The following HID1 variants were observed in gnomAD, a reference collection of about 807,000 sequenced individuals.
HID1 encodes the protein protein HID1.
A neutral mutation model predicts 89.7 loss-of-function variants in HID1; 42 were observed. That is an observed-to-expected ratio of 0.47 (90% CI 0.37 to 0.61). HID1 has a LOEUF of 0.61. Ranked by LOEUF, HID1 falls within the 20% of genes least tolerant of loss-of-function variation. HID1 has a pLI of 0.00. For missense variants in HID1, 854 were observed against 1,039.3 expected (o/e 0.82, Z 2.45); for synonymous variants, 442 against 433.8 (o/e 1.02, Z -0.24).
At chr17:74,969,672 G>C (rs151158895) in intron 1 of HID1, among the ~76,000 whole-genome samples, 5 of 152,156 alleles carry the variant, frequency 3.3e-5, no homozygotes, top group African/African-American at 1.2e-4. Flanking sequence ...CACAATCATA[G>C]CTCACCGTAA....
chr17:74,964,530 C>A lies in HID1; in HGVS notation c.169G>T (p.Ala57Ser). 6.2e-7 allele frequency: 1 copy of A among 1,610,086 alleles called. No homozygotes were observed. The highest frequency in any genetic ancestry group is 8.5e-7 in the Non-Finnish European group (1 of 1,178,498). Residue 57 changes from alanine (A) to serine (S), a missense_variant, in exon 2 of 19, where the codon GCC becomes TCC. By Grantham distance (99) the Ala-to-Ser change is moderately conservative. Transcript: ENST00000425042. Reference sequence around the variant, plus strand: ...TTGGAGGGTGACTCTTCCCGCACGGCCCGGATCTCTGCTGCCGGCACCAGT... The same window carrying A: ...TTGGAGGGTGACTCTTCCCGCACGGACCGGATCTCTGCTGCCGGCACCAGT... ...FALVPAAEIR[A>S]VREESPSNLA...
intron 1 of HID1, among the ~76,000 whole-genome samples, chr17:74,969,345 C>G (rs755000850): frequency 2.4e-4 from 36 of 152,210 alleles, no homozygotes; most frequent in Non-Finnish European, 4.4e-4. Flanking sequence ...GCCACGACGC[C>G]CGGCTAATTT....
rs1296960395 is a variant in HID1, at chr17:74,972,582, G to A, written c.66+9C>T. 6.5e-7 allele frequency: 1 copy of A among 1,545,868 alleles called. No individual in the cohort carries two copies. The highest frequency in any genetic ancestry group is 1.2e-5 in the South Asian group (1 of 83,406). On this transcript the variant is annotated intron_variant, in intron 1 of 18. Coordinates refer to ENST00000425042, the MANE Select transcript of HID1 (RefSeq NM_030630.3). This position sits in a 1 kb window ranked among gnomAD's most constrained non-coding sequence, Gnocchi z 6.4. ...GGTGGATGGGGACGCCGGGGCCCCC[G>A]TGGCGCACCTGCGTCTTGGTGGTGA... is the stretch of plus-strand genomic sequence containing the variant.
chr17:74,963,087 G>T lies in HID1; in HGVS notation c.388-6C>A, dbSNP rs1358940375. 6.9e-6 allele frequency: 11 copies of T among 1,587,614 alleles called. No homozygotes were observed. The highest frequency in any genetic ancestry group is 1.7e-5 in the Admixed American group (1 of 57,432). Reference sequence around the variant, plus strand: ...TCATCATCCTCTTCTCCCTGCTGGGGACACAGCACCCACAGGCTGCCTCAG... The same window carrying T: ...TCATCATCCTCTTCTCCCTGCTGGGTACACAGCACCCACAGGCTGCCTCAG... On this transcript the variant is annotated splice_region_variant and splice_polypyrimidine_tract_variant and intron_variant, in intron 3 of 18. Coordinates refer to ENST00000425042, the MANE Select transcript of HID1 (RefSeq NM_030630.3).
chr17:74,968,541 C>T (rs1341347985), intron 1 of HID1, among the ~76,000 whole-genome samples: 2 of 152,214 alleles, frequency 1.3e-5, no homozygotes, highest in Admixed American at 6.5e-5. Flanking sequence ...ACTGGTAGAG[C>T]GAGTTCTTCA....
Position 74,952,349 on chromosome 17 carries a change from C to A in HID1, c.2064G>T (p.Trp688Cys). 6.2e-7 allele frequency: 1 copy of A among 1,613,758 alleles called. No homozygotes were observed. Among genetic ancestry groups the A allele is most frequent in the Non-Finnish European group, 8.5e-7 (1 of 1,179,892 alleles). The change falls in exon 17 of 19, where the codon TGG becomes TGT. Residue 688 changes from tryptophan to cysteine, a missense_variant. By Grantham distance (215) the Trp-to-Cys change is radical. Coordinates refer to ENST00000425042, the MANE Select transcript of HID1 (RefSeq NM_030630.3). ...WSPTPEWVLS[W>C]KSKLPLQTIM... ...TGGTCTGCAGCGGCAGCTTCGACTTCCAGGAGAGGACCTGGCGAGGGACGG... is the reference window on the plus strand; with the variant it reads ...TGGTCTGCAGCGGCAGCTTCGACTTACAGGAGAGGACCTGGCGAGGGACGG...
At chr17:74,955,432 C>T (rs1245892752) in intron 13 of HID1, among the ~76,000 whole-genome samples, 1 of 151,842 alleles carries the variant, frequency 6.6e-6, no homozygotes, top group South Asian at 2.1e-4. Context: ...ACCTGGGAGA[C>T]GGAGGTTGCA....
intron 12 of HID1, chr17:74,957,851 G>A (rs550954171): frequency 1.1e-4 from 43 of 395,206 alleles, no homozygotes; most frequent in African/African-American, 8.4e-4. Flanking sequence ...AGTGAGCTGA[G>A]ATGGTGCCAC....
chr17:74,968,790 A>G (rs2039600343), intron 1 of HID1, among the ~76,000 whole-genome samples: 1 of 152,184 alleles, frequency 6.6e-6, no homozygotes, highest in Non-Finnish European at 1.5e-5. Context: ...CCAGGTAGCT[A>G]CTACCCCCTT....
intron 1 of HID1, among the ~76,000 whole-genome samples, chr17:74,971,984 T>C (rs1198707962): frequency 6.6e-6 from 1 of 152,078 alleles, no homozygotes; most frequent in Non-Finnish European, 1.5e-5. Context: ...CTGTGCTCAG[T>C]AGGCCTGGGG....
intron 1 of HID1, among the ~76,000 whole-genome samples, chr17:74,971,664 TG>T (rs1395090000): frequency 6.6e-6 from 1 of 151,812 alleles, no homozygotes; most frequent in Admixed American, 6.6e-5. Flanking sequence ...ATGGGGGACA[TG>T]GGGAGTCAGG....
chr17:74,952,227 G>A (rs778495093), intron 17 of HID1, 42 bp downstream of exon 17: 24 of 1,153,176 alleles, frequency 2.1e-5, no homozygotes, highest in East Asian at 5.2e-5. Flanking sequence ...CCACAACCCC[G>A]GCCCCGCCCA....
In HID1 at chr17:74,965,917, C is replaced by CAA. The variant is rs55706307; in HGVS notation, c.67-1287_67-1286dup. Among the ~76,000 whole-genome samples the CAA allele has an allele frequency of 9.1e-4, 127 of 139,218 alleles. 1 individual carries two copies. Among genetic ancestry groups the CAA allele is most frequent in the African/African-American group, 3.0e-3 (118 of 38,794 alleles). 91.3% of individuals were successfully genotyped at this position (139,218 alleles called of 152,430 possible). A position where few individuals can be genotyped will look rare whatever the true frequency, so the allele number is the denominator to read the frequency against. On this transcript the variant is annotated intron_variant, in intron 1 of 18. Transcript: ENST00000425042. ...GGGCAACAAGAGCAAAACCCCATCTCAAAAAAAAAAAAGTACACAAGATAT... is the reference window on the plus strand; with the variant it reads ...GGGCAACAAGAGCAAAACCCCATCTCAAAAAAAAAAAAAAGTACACAAGATAT...
chr17:74,955,789 C>T lies in HID1; in HGVS notation c.1636+3G>A. 1.9e-6 allele frequency: 3 copies of T among 1,613,856 alleles called. No homozygotes were observed. The highest frequency in any genetic ancestry group is 3.3e-5 in the Admixed American group (2 of 59,996). On this transcript the variant is annotated splice_donor_region_variant and intron_variant, in intron 13 of 18. Transcript: ENST00000425042. ...CCACCAGGGCCTCAGGCTGGTGCCT[C>T]ACCATCAAACTGGTACTGGATGATG...
intron 13 of HID1, 46 bp downstream of exon 13, chr17:74,955,746 G>A (rs1177366569): frequency 6.3e-7 from 1 of 1,587,804 alleles, no homozygotes; most frequent in Admixed American, 1.7e-5. Context: ...TAGGAAGTAG[G>A]CCCGCTGGCC....
rs373415553 is a variant in HID1, at chr17:74,958,491, G to T, written c.1241-13C>A. 12 of 1,584,184 alleles carry T rather than the reference G, an allele frequency of 7.6e-6. No individual in the cohort carries two copies. Among genetic ancestry groups the T allele is most frequent in the African/African-American group, 5.4e-5 (4 of 74,330 alleles). On this transcript the variant is annotated splice_polypyrimidine_tract_variant and intron_variant, in intron 10 of 18. Coordinates refer to ENST00000425042, the MANE Select transcript of HID1 (RefSeq NM_030630.3). The surrounding 1 kb of genome is among the most constrained non-coding windows in gnomAD (Gnocchi z 5.2). ...AGGCCCACCCGAGCTGCGGCAGGTGGCGTGGGAGGGGTCACTCGGGTGGGA... is the reference window on the plus strand; with the variant it reads ...AGGCCCACCCGAGCTGCGGCAGGTGTCGTGGGAGGGGTCACTCGGGTGGGA...
Position 74,959,703 on chromosome 17 carries a change from T to C in HID1, c.1008+178A>G, listed in dbSNP as rs1008922955. ...GCCTTCCCAGTTACCTCTACCCAGG[T>C]GAGGCCATCAGCCCTTCCTGCATCT... On this transcript the variant is annotated intron_variant, in intron 8 of 18. Transcript: ENST00000425042. The surrounding 1 kb of genome is among the most constrained non-coding windows in gnomAD (Gnocchi z 4.6). 3.3e-5 allele frequency among the ~76,000 whole-genome samples: 5 copies of C among 152,122 alleles called. No homozygotes were observed. Among genetic ancestry groups the C allele is most frequent in the Admixed American group, 6.6e-5 (1 of 15,260 alleles).
At position 74,958,890 on chromosome 17, in the gene HID1, G is replaced by A; in HGVS notation, c.1149+21C>T. 6.3e-7 allele frequency: 1 copy of A among 1,584,052 alleles called. No homozygotes were observed. On this transcript the variant is annotated intron_variant, in intron 9 of 18. Coordinates refer to ENST00000425042, the MANE Select transcript of HID1 (RefSeq NM_030630.3). This position sits in a 1 kb window ranked among gnomAD's most constrained non-coding sequence, Gnocchi z 5.2. ...GCAGCTGCTCTCCATCTCCCTGCAGGGCCCCTCGAGGCTGGCCCACCTTGT... is the reference window on the plus strand; with the variant it reads ...GCAGCTGCTCTCCATCTCCCTGCAGAGCCCCTCGAGGCTGGCCCACCTTGT...
rs771673322 is a variant in HID1 at position 74,953,601 on chromosome 17, G to T, written c.1915C>A (p.Arg639=). ...KSQVSEDGTL[R]SLEPEPQQSL... is the part of the protein sequence containing the mutation. Reference sequence around the variant, plus strand: ...TGCTGGGGCTCAGGTTCCAGGGACCGCAAGGTGCCATCCTCTGACACCTGG... The same window carrying T: ...TGCTGGGGCTCAGGTTCCAGGGACCTCAAGGTGCCATCCTCTGACACCTGG... Residue 639 remains arginine (R), a synonymous_variant, in exon 15 of 19, where the codon CGG becomes AGG. Transcript: ENST00000425042. The T allele has an allele frequency of 2.5e-6, 4 of 1,614,090 alleles. No homozygotes were observed. Among genetic ancestry groups the T allele is most frequent in the African/African-American group, 1.3e-5 (1 of 75,018 alleles).
Sources: gnomAD v4.1 joint callset for allele counts (sites outside exome capture counted in the v4.1 genomes callset) on GRCh38, gnomAD v4.1.1 for gene constraint, Gnocchi (gnomAD v3.1) non-coding constraint, MANE v1.5 for transcripts, NCBI Gene and HGNC (gene_info 2026-07-23, HGNC 2026-07-21) for gene names.